The following CLDN16 variants were observed in gnomAD, a reference collection of about 807,000 sequenced individuals.
CLDN16 encodes the protein claudin-16.
A neutral mutation model predicts 24.6 loss-of-function variants in CLDN16; 13 were observed. That is an observed-to-expected ratio of 0.53 (90% CI 0.34 to 0.84). CLDN16 has a LOEUF of 0.84. Ranked by LOEUF, CLDN16 falls within the 40% of genes least tolerant of loss-of-function variation. The pLI is 0.01. For synonymous variants in CLDN16, 116 were observed against 106.7 expected (o/e 1.09, Z -0.54); for missense variants, 298 against 292.7 (o/e 1.02, Z -0.13).
chr3:190,386,778 T>C (rs1282996960), upstream of CLDN16, among the ~76,000 whole-genome samples: 1 of 152,188 alleles, frequency 6.6e-6, no homozygotes, highest in Non-Finnish European at 1.5e-5. Context: ...TGGTTTTCCA[T>C]GCAGCTTTTA....
intron 1 of CLDN16, among the ~76,000 whole-genome samples, chr3:190,400,272 C>T (rs994369719): frequency 1.3e-5 from 2 of 152,032 alleles, no homozygotes; most frequent in African/African-American, 4.8e-5. Context: ...CGGAATCTCG[C>T]TCTGTCGCCA....
intron 2 of CLDN16, chr3:190,371,039 T>TATATATATATATAA (rs1162902114): frequency 1.3e-3 from 4 of 2,978 alleles, no homozygotes; most frequent in African/African-American, 2.7e-3. Flanking sequence ...TATATATATA[T>TATATATATATATAA]AAAATATATA....
At chr3:190,314,785 G>A in the CLDN16 span, among the ~76,000 whole-genome samples, 1 of 152,100 alleles carries the variant, frequency 6.6e-6, no homozygotes, top group Admixed American at 6.5e-5. Context: ...AGTTTTACTT[G>A]ATTTCATTTA....
At chr3:190,342,853 A>C (rs2108630437) in intron 1 of CLDN16, among the ~76,000 whole-genome samples, 1 of 152,264 alleles carries the variant, frequency 6.6e-6, no homozygotes. Context: ...AAGCCATAAA[A>C]CTCCTGGAAA....
chr3:190,322,287 C>G (rs1716949522), upstream of CLDN16: 7 of 1,269,240 alleles, frequency 5.5e-6, no homozygotes, highest in African/African-American at 1.5e-5. Flanking sequence ...CCCGGACTCC[C>G]GAAGGTGGCT....
At chr3:190,353,393 T>C (rs1490822647) in intron 1 of CLDN16, among the ~76,000 whole-genome samples, 4 of 152,054 alleles carry the variant, frequency 2.6e-5, no homozygotes, top group Non-Finnish European at 5.9e-5. Context: ...TCCCATTGTT[T>C]ATGGCAATGG....
At chr3:190,319,407 TCA>T (rs772156554), upstream of CLDN16, among the ~76,000 whole-genome samples, 3 of 152,160 alleles carry the variant, frequency 2.0e-5, no homozygotes, top group Non-Finnish European at 4.4e-5. Context: ...AGGAAGTGCC[TCA>T]GTTACATTTT....
the CLDN16 span, among the ~76,000 whole-genome samples, chr3:190,291,277 T>C: frequency 1.3e-5 from 2 of 152,148 alleles, no homozygotes; most frequent in African/African-American, 2.4e-5. Flanking sequence ...CATACTACTA[T>C]AAAGAACTCC....
chr3:190,313,218 C>G, the CLDN16 span: 1 of 612,802 alleles, frequency 1.6e-6, no homozygotes, highest in Non-Finnish European at 2.8e-6. Context: ...TCCAGAAAAA[C>G]AAATGCCAGG....
chr3:190,338,906 A>C lies in CLDN16; in HGVS notation n.121+16245A>C, dbSNP rs115235568. ...TGGGCTGGTACACTCATACCCCTGC[A>C]GGTCTTGGCTGATAACTGCTCAAGT... On this transcript the variant is annotated intron_variant and non_coding_transcript_variant, in intron 1 of 4. Transcript: ENST00000468220. Among the ~76,000 whole-genome samples the C allele has an allele frequency of 9.1e-3, 1,388 of 152,234 alleles. 30 individuals are homozygous for C. The highest frequency in any genetic ancestry group is 0.032 in the African/African-American group (1,333 of 41,538).
the CLDN16 span, among the ~76,000 whole-genome samples, chr3:190,301,386 T>G: frequency 0.035 from 5,356 of 152,004 alleles, 304 homozygotes; most frequent in African/African-American, 0.12. Flanking sequence ...TCCCAGCTAC[T>G]CCAGAGGCTG....
intron 1 of CLDN16, among the ~76,000 whole-genome samples, chr3:190,337,518 C>T (rs775764720): frequency 1.3e-4 from 20 of 152,106 alleles, no homozygotes; most frequent in Admixed American, 5.2e-4. Flanking sequence ...AATATGTGGA[C>T]GATAAGAATG....
chr3:190,387,889 G>A, upstream of CLDN16: 2 of 573,104 alleles, frequency 3.5e-6, no homozygotes, highest in Non-Finnish European at 3.1e-6. Flanking sequence ...CGAGTGGGGA[G>A]GAGAATAGCT....
At chr3:190,294,697 C>T in the CLDN16 span, among the ~76,000 whole-genome samples, 1 of 151,974 alleles carries the variant, frequency 6.6e-6, no homozygotes, top group African/African-American at 2.4e-5. Flanking sequence ...TTCTGAAGAA[C>T]ATTTTTTACC....
intron 3 of CLDN16, among the ~76,000 whole-genome samples, chr3:190,382,583 C>A (rs997832180): frequency 8.5e-5 from 13 of 152,180 alleles, no homozygotes; most frequent in Admixed American, 2.6e-4. Context: ...CCCACCAAAC[C>A]AGACCATTTC....
At chr3:190,360,631 G>A (rs1399793288) in intron 1 of CLDN16, among the ~76,000 whole-genome samples, 2 of 151,862 alleles carry the variant, frequency 1.3e-5, no homozygotes, top group Non-Finnish European at 2.9e-5. Context: ...ACATCAGCCA[G>A]TATCTTGGTA....
rs1221514630 is a variant in CLDN16 at position 190,363,556 on chromosome 3, G to GTATATATATATA, written n.122-7307_122-7296dup. 1.8e-3 allele frequency among the ~76,000 whole-genome samples: 157 copies of GTATATATATATA among 87,194 alleles called. 1 individual carries two copies. Among genetic ancestry groups the GTATATATATATA allele is most frequent in the African/African-American group, 1.9e-3 (40 of 21,058 alleles). 57.2% of individuals were successfully genotyped at this position (87,194 alleles called of 152,430 possible). ...AGTTGCTGTGCGTGTGTGTGTGTGT[G>GTATATATATATA]TATATATATATATATATATATATAT... is the stretch of plus-strand genomic sequence containing the variant. On this transcript the variant is annotated intron_variant and non_coding_transcript_variant, in intron 1 of 4. Transcript: ENST00000468220.
intron 1 of CLDN16, among the ~76,000 whole-genome samples, chr3:190,392,453 C>A (rs1205387901): frequency 6.6e-6 from 1 of 152,044 alleles, no homozygotes; most frequent in Non-Finnish European, 1.5e-5. Context: ...GTATACTTGG[C>A]ACCATGGTGG....
At chr3:190,337,561 T>C (rs970398391) in intron 1 of CLDN16, among the ~76,000 whole-genome samples, 1 of 152,202 alleles carries the variant, frequency 6.6e-6, no homozygotes, top group African/African-American at 2.4e-5. Context: ...ATATACCCGA[T>C]GCCATATCCA....
Sources: gnomAD v4.1 joint callset for allele counts (sites outside exome capture counted in the v4.1 genomes callset) on GRCh38, gnomAD v4.1.1 for gene constraint, MANE v1.5 for transcripts, NCBI Gene and HGNC (gene_info 2026-07-23, HGNC 2026-07-21) for gene names.